PALD1: variants seen among roughly 807,000 people sequenced by gnomAD.
PALD1 encodes the protein phosphatase domain containing paladin 1, also known as paladin.
Under a neutral mutation model 96.0 loss-of-function variants are expected in PALD1, and 57 were observed. The ratio of observed to expected loss-of-function variants is 0.59; its 90% confidence interval spans 0.48 to 0.74. The LOEUF (loss-of-function observed/expected upper bound fraction) is 0.74, where lower values mean the gene tolerates loss of function less well. Among genes scored for constraint, PALD1 ranks in the 30% least tolerant of loss-of-function variants. PALD1 has a pLI of 0.00. For missense variants in PALD1, 1,063 were observed against 1,143.7 expected (o/e 0.93, Z 1.02); for synonymous variants, 464 against 473.6 (o/e 0.98, Z 0.26).
rs1042422927 is a variant in PALD1, at chr10:70,567,526, C to T, written c.*793C>T. On this transcript the variant is annotated 3_prime_UTR_variant, in exon 20 of 20. Transcript: ENST00000263563. Reference sequence around the variant, plus strand: ...CAGGAGGCACAGAGGAAGCCAAGGCCTGGAGCTGCAGGTCCCCCGGCATCT... The same window carrying T: ...CAGGAGGCACAGAGGAAGCCAAGGCTTGGAGCTGCAGGTCCCCCGGCATCT... 1 of 152,902 alleles carries T rather than the reference C, an allele frequency of 6.5e-6. No individual in the cohort carries two copies. The highest frequency in any genetic ancestry group is 2.4e-5 in the African/African-American group (1 of 41,452). 9.5% of individuals were successfully genotyped at this position (152,902 alleles called of 1,614,324 possible).
At chr10:70,509,202 A>T (rs1280575590) in intron 1 of PALD1, among the ~76,000 whole-genome samples, 2 of 152,082 alleles carry the variant, frequency 1.3e-5, no homozygotes, top group Non-Finnish European at 2.9e-5. Flanking sequence ...CCCTGCTCTA[A>T]GCTTCCTAGT....
intron 10 of PALD1, 30 bp downstream of exon 10, chr10:70,534,873 T>A (rs751923216): frequency 7.2e-7 from 1 of 1,397,030 alleles, no homozygotes; most frequent in East Asian, 2.3e-5. Flanking sequence ...GTGAGCACTC[T>A]GCTTCTCTGT....
the PALD1 span, among the ~76,000 whole-genome samples, chr10:70,468,763 G>A: frequency 2.7e-5 from 4 of 145,936 alleles, no homozygotes; most frequent in East Asian, 6.3e-4. Flanking sequence ...TTGAGATGGA[G>A]TCTCGCTCTG....
rs1346769181 is a variant in PALD1, at chr10:70,547,463, C to A, written c.2262+17C>A. 1 of 1,504,730 alleles carries A rather than the reference C, an allele frequency of 6.6e-7. No individual in the cohort carries two copies. The highest frequency in any genetic ancestry group is 1.2e-5 in the South Asian group (1 of 81,358). The allele number at this position is 1,504,730 out of a possible 1,614,324, so 93.2% of individuals were successfully genotyped here. A position where few individuals can be genotyped will look rare whatever the true frequency, so the allele number is the denominator to read the frequency against. On this transcript the variant is annotated intron_variant, in intron 18 of 19. Transcript: ENST00000263563. ...TACCGCCAGGTGAGCCCCCACCCCA[C>A]CCCACCCCACCCTGCCCCAGCCACC...
At chr10:70,474,794 A>G (rs558709019), upstream of PALD1, among the ~76,000 whole-genome samples, 3 of 152,360 alleles carry the variant, frequency 2.0e-5, no homozygotes, top group South Asian at 6.2e-4. Context: ...TGCCCATAAT[A>G]TGATGCCGAT....
At chr10:70,536,470 G>A (rs1461622521) in intron 10 of PALD1, among the ~76,000 whole-genome samples, 3 of 152,202 alleles carry the variant, frequency 2.0e-5, no homozygotes, top group Non-Finnish European at 2.9e-5. Flanking sequence ...TCTTTGTTGA[G>A]CAGCTTCATG....
chr10:70,548,824 G>A (rs1847421476), intron 18 of PALD1, among the ~76,000 whole-genome samples: 1 of 152,172 alleles, frequency 6.6e-6, no homozygotes, highest in Non-Finnish European at 1.5e-5. Context: ...GGCAAAGGGT[G>A]GATGCCTAGC....
At chr10:70,550,173 A>G (rs1361617190) in intron 18 of PALD1, among the ~76,000 whole-genome samples, 1 of 152,188 alleles carries the variant, frequency 6.6e-6, no homozygotes, top group Non-Finnish European at 1.5e-5. Flanking sequence ...GCTTTAAACC[A>G]TGCTGTGGCA....
At chr10:70,544,986 G>A (rs1003245881) in intron 17 of PALD1, among the ~76,000 whole-genome samples, 19 of 152,260 alleles carry the variant, frequency 1.2e-4, no homozygotes, top group African/African-American at 4.3e-4. Context: ...GGCAGCCAGA[G>A]AGAGAAGAGA....
At chr10:70,542,415 C>T (rs1847269859) in intron 17 of PALD1, among the ~76,000 whole-genome samples, 1 of 152,222 alleles carries the variant, frequency 6.6e-6, no homozygotes, top group Non-Finnish European at 1.5e-5. Context: ...AAACAGAACT[C>T]TGCTCTCCTA....
intron 1 of PALD1, among the ~76,000 whole-genome samples, chr10:70,519,995 G>A (rs545169977): frequency 6.6e-6 from 1 of 152,168 alleles, no homozygotes; most frequent in Non-Finnish European, 1.5e-5. Context: ...AGGGCAGGGG[G>A]TCTTGAGTGG....
At position 70,529,970 on chromosome 10, in the gene PALD1, C is replaced by G. The variant is rs757787452; in HGVS notation, c.370C>G (p.Arg124Gly). 6.2e-7 allele frequency: 1 copy of G among 1,612,834 alleles called. No individual in the cohort carries two copies. Among genetic ancestry groups the G allele is most frequent in the South Asian group, 1.1e-5 (1 of 90,952 alleles). The change falls in exon 4 of 20, where the codon CGG (arginine) becomes GGG (glycine). Residue 124 changes from arginine to glycine, a missense_variant. Coordinates refer to ENST00000263563, the MANE Select transcript of PALD1 (RefSeq NM_014431.3). The part of the protein sequence containing the change: ...TVGSCGAPNF[R>G]QVQGGLTVFG... ...GGGAAGCTGTGGGGCCCCCAACTTC[C>G]GGCAGGTGCAGGGTGGGCTCACTGT...
Position 70,540,853 on chromosome 10 carries a change from A to G in PALD1, c.1909-249A>G, listed in dbSNP as rs564538440. Among the ~76,000 whole-genome samples the G allele has an allele frequency of 2.0e-5, 3 of 152,304 alleles. No homozygotes were observed. The highest frequency in any genetic ancestry group is 7.2e-5 in the African/African-American group (3 of 41,558). ...GGTGGGTACCTTGAGCCCCAGGTGC[A>G]TGCTGTGTTGGCTCACACATCCTGT... On this transcript the variant is annotated intron_variant, in intron 15 of 19. Coordinates refer to ENST00000263563, the MANE Select transcript of PALD1 (RefSeq NM_014431.3). This position sits in a 1 kb window ranked among gnomAD's most constrained non-coding sequence, Gnocchi z 4.2.
chr10:70,533,883 C>T, intron 7 of PALD1, 39 bp from the exon 8 acceptor site: 4 of 1,514,950 alleles, frequency 2.6e-6, no homozygotes, highest in Non-Finnish European at 3.5e-6. Context: ...CCAGGGTTTC[C>T]TGGTCTCACT....
At chr10:70,478,623 G>T (rs1845867685), upstream of PALD1, among the ~76,000 whole-genome samples, 1 of 152,186 alleles carries the variant, frequency 6.6e-6, no homozygotes, top group Non-Finnish European at 1.5e-5. Context: ...GGAACGTGGC[G>T]CCCGCGTTCC....
At chr10:70,511,685 C>T (rs1396074284) in intron 1 of PALD1, among the ~76,000 whole-genome samples, 1 of 152,170 alleles carries the variant, frequency 6.6e-6, no homozygotes, top group Non-Finnish European at 1.5e-5. Context: ...GGCAGAAGGG[C>T]AGGTGAGCAT....
rs529569412 is a variant in PALD1 at position 70,541,550 on chromosome 10, G to A, written c.2121+16G>A. The A allele has an allele frequency of 2.5e-6, 4 of 1,603,930 alleles. No individual in the cohort carries two copies. Among genetic ancestry groups the A allele is most frequent in the Admixed American group, 1.7e-5 (1 of 59,576 alleles). On this transcript the variant is annotated intron_variant, in intron 17 of 19. Transcript: ENST00000263563. ...TGAATTTCAGGTGAGCATGCCCTGC[G>A]GGGTCCCTGAGGCACCTTGGGATGG...
At chr10:70,510,939 C>T (rs1293394555) in intron 1 of PALD1, among the ~76,000 whole-genome samples, 1 of 152,022 alleles carries the variant, frequency 6.6e-6, no homozygotes, top group Non-Finnish European at 1.5e-5. Context: ...CCTTAGCTAT[C>T]CTGCAGGCCC....
chr10:70,556,279 C>CTCCCTCTCTCCCTCT (rs1847606808), intron 18 of PALD1, among the ~76,000 whole-genome samples: 1 of 128,652 alleles, frequency 7.8e-6, no homozygotes, highest in Non-Finnish European at 1.7e-5. Context: ...GTAGCCGAGA[C>CTCCCTCTCTCCCTCT]CTCTCTCTCT....
Sources: gnomAD v4.1 joint callset for allele counts (sites outside exome capture counted in the v4.1 genomes callset) on GRCh38, gnomAD v4.1.1 for gene constraint, Gnocchi (gnomAD v3.1) non-coding constraint, MANE v1.5 for transcripts, NCBI Gene and HGNC (gene_info 2026-07-23, HGNC 2026-07-21) for gene names.